The following HIBADH variants were observed in gnomAD, a reference collection of about 807,000 sequenced individuals.
HIBADH encodes 3-hydroxyisobutyrate dehydrogenase, mitochondrial.
Under a neutral mutation model 36.1 loss-of-function variants are expected in HIBADH, and 25 were observed. That is an observed-to-expected ratio of 0.69 (90% CI 0.50 to 0.97). The LOEUF is 0.97. Ranked by LOEUF, HIBADH falls within the 50% of genes least tolerant of loss-of-function variation. HIBADH has a pLI of 0.00. For missense variants in HIBADH, 421 were observed against 418.0 expected (o/e 1.01, Z -0.06); for synonymous variants, 160 against 149.5 (o/e 1.07, Z -0.51).
At chr7:27,641,179 A>G (rs1179346885) in intron 2 of HIBADH, among the ~76,000 whole-genome samples, 3 of 146,372 alleles carry the variant, frequency 2.0e-5, no homozygotes, top group Non-Finnish European at 3.0e-5. Flanking sequence ...CTTCCAATAC[A>G]TGAAACAATA....
intron 2 of HIBADH, among the ~76,000 whole-genome samples, chr7:27,647,167 C>T (rs771571494): frequency 3.9e-5 from 6 of 152,082 alleles, no homozygotes; most frequent in East Asian, 3.9e-4. Context: ...AATAAGCACG[C>T]GATATCACAA....
At chr7:27,551,541 C>T (rs1784320149) in intron 4 of HIBADH, among the ~76,000 whole-genome samples, 1 of 152,064 alleles carries the variant, frequency 6.6e-6, no homozygotes, top group African/African-American at 2.4e-5. Context: ...GGAATTTAGC[C>T]TTACTGAAAA....
intron 3 of HIBADH, among the ~76,000 whole-genome samples, chr7:27,630,612 TA>T (rs1434513116): frequency 1.3e-5 from 2 of 152,086 alleles, no homozygotes; most frequent in African/African-American, 4.8e-5. Context: ...CAAAATGGTT[TA>T]AACATAACCA....
At chr7:27,540,340 C>G (rs577393270) in intron 5 of HIBADH, among the ~76,000 whole-genome samples, 284 of 152,304 alleles carry the variant, frequency 1.9e-3, no homozygotes, top group Middle Eastern at 6.8e-3. Context: ...AAGCACTCAT[C>G]TCCATCAAGC....
At chr7:27,566,796 T>C (rs942384590) in intron 4 of HIBADH, among the ~76,000 whole-genome samples, 34 of 152,168 alleles carry the variant, frequency 2.2e-4, no homozygotes, top group African/African-American at 7.7e-4. Flanking sequence ...CTTTGACCCA[T>C]AGATTACTTA....
intron 4 of HIBADH, among the ~76,000 whole-genome samples, chr7:27,565,604 T>C (rs1333205803): frequency 2.0e-5 from 3 of 152,220 alleles, no homozygotes; most frequent in Non-Finnish European, 4.4e-5. Context: ...TGGACAATCA[T>C]GTCATTTGTG....
At chr7:27,655,489 T>C (rs1394941229) in intron 1 of HIBADH, among the ~76,000 whole-genome samples, 1 of 152,206 alleles carries the variant, frequency 6.6e-6, no homozygotes, top group African/African-American at 2.4e-5. Flanking sequence ...AAAGAGTATA[T>C]GGATGTCAGT....
rs376867240 is a variant in HIBADH, at chr7:27,610,826, C to T, written c.484+18545G>A. 5.3e-5 allele frequency among the ~76,000 whole-genome samples: 8 copies of T among 152,166 alleles called. No homozygotes were observed. In the East Asian group the frequency reaches 9.7e-4, roughly 18 times the overall value. On this transcript the variant is annotated intron_variant, in intron 4 of 7. Transcript: ENST00000265395. The stretch of plus-strand genomic sequence containing the variant: ...CCCTTAACTATAATAGTGTTAGGTG[C>T]CAAAATAGAAATAATTTTTTGTGGT...
intron 4 of HIBADH, among the ~76,000 whole-genome samples, chr7:27,608,810 A>G (rs753135141): frequency 2.0e-5 from 3 of 152,168 alleles, no homozygotes; most frequent in Non-Finnish European, 2.9e-5. Context: ...ACCAGACCCA[A>G]TTGTGTCTGA....
At chr7:27,542,024 G>A (rs1784158448) in intron 5 of HIBADH, among the ~76,000 whole-genome samples, 1 of 152,148 alleles carries the variant, frequency 6.6e-6, no homozygotes, top group South Asian at 2.1e-4. Context: ...TGTAAATGGT[G>A]CCATGTATGG....
intron 6 of HIBADH, among the ~76,000 whole-genome samples, chr7:27,532,293 G>A (rs1346688520): frequency 6.6e-6 from 1 of 152,142 alleles, no homozygotes; most frequent in African/African-American, 2.4e-5. Flanking sequence ...CATACACAGA[G>A]CCATTATGAA....
At chr7:27,650,112 T>A (rs921707749) in intron 1 of HIBADH, among the ~76,000 whole-genome samples, 2 of 152,126 alleles carry the variant, frequency 1.3e-5, no homozygotes, top group African/African-American at 4.8e-5. Context: ...AAACACCTAA[T>A]ATGTAATTTA....
At chr7:27,657,419 T>C (rs1786326555) in intron 1 of HIBADH, among the ~76,000 whole-genome samples, 1 of 152,164 alleles carries the variant, frequency 6.6e-6, no homozygotes, top group African/African-American at 2.4e-5. Context: ...TGTAACAGTA[T>C]GTTTGTTAGA....
At chr7:27,653,384 T>C (rs1786233471) in intron 1 of HIBADH, among the ~76,000 whole-genome samples, 1 of 152,186 alleles carries the variant, frequency 6.6e-6, no homozygotes, top group Admixed American at 6.5e-5. Context: ...GGCTCAGTTT[T>C]ACCCAGGGTA....
At chr7:27,585,193 A>C (rs956460614) in intron 4 of HIBADH, among the ~76,000 whole-genome samples, 1 of 151,942 alleles carries the variant, frequency 6.6e-6, no homozygotes, top group Non-Finnish European at 1.5e-5. Context: ...ATATGCACAC[A>C]CATATGTATG....
chr7:27,538,487 G>T, intron 5 of HIBADH, 70 bp from the exon 6 acceptor site: 1 of 1,316,400 alleles, frequency 7.6e-7, no homozygotes, highest in Non-Finnish European at 1.1e-6. Context: ...GTTTTTCCTT[G>T]CCCAATTCCA....
intron 4 of HIBADH, among the ~76,000 whole-genome samples, chr7:27,549,906 C>A (rs1358093227): frequency 6.6e-6 from 1 of 151,844 alleles, no homozygotes; most frequent in Non-Finnish European, 1.5e-5. Flanking sequence ...CTTAGCATTT[C>A]TTTTCTTTTC....
intron 4 of HIBADH, among the ~76,000 whole-genome samples, chr7:27,548,263 C>G (rs1784264177): frequency 6.6e-6 from 1 of 151,500 alleles, no homozygotes; most frequent in Non-Finnish European, 1.5e-5. Flanking sequence ...CCTTCCACAC[C>G]TACTTATAGT....
chr7:27,567,358 T>C lies in HIBADH; in HGVS notation c.485-24258A>G, dbSNP rs184096695. 1.8e-4 allele frequency among the ~76,000 whole-genome samples: 28 copies of C among 152,308 alleles called. 1 individual carries two copies. The East Asian group carries it at 5.2e-3, about 28-fold the overall frequency. ...CATGGTATATCTTTTTCTATACTTT[T>C]AATCTACCTACATCATTATATTTAA... On this transcript the variant is annotated intron_variant, in intron 4 of 7. Coordinates refer to ENST00000265395, the MANE Select transcript of HIBADH (RefSeq NM_152740.4).
Sources: gnomAD v4.1 joint callset for allele counts (sites outside exome capture counted in the v4.1 genomes callset) on GRCh38, gnomAD v4.1.1 for gene constraint, MANE v1.5 for transcripts, NCBI Gene and HGNC (gene_info 2026-07-23, HGNC 2026-07-21) for gene names.